RYR2: variants seen among roughly 807,000 people sequenced by gnomAD.
RYR2 encodes the protein ryanodine receptor 2, also known as cardiac muscle ryanodine receptor-calcium release channel.
Under a neutral mutation model 601.1 loss-of-function variants are expected in RYR2, and 227 were observed. The ratio of observed to expected loss-of-function variants is 0.38; its 90% CI spans 0.34 to 0.42. The LOEUF is 0.42. Ranked by LOEUF, RYR2 falls within the 10% of genes least tolerant of loss-of-function variation. The pLI, the probability that RYR2 is intolerant of heterozygous loss-of-function variation, is 1.00. For missense variants in RYR2, 4,646 were observed against 6,156.5 expected, an observed-to-expected ratio of 0.75 and a Z score of 8.21; for synonymous variants, 2,223 against 2,175.1, an observed-to-expected ratio of 1.02 and a Z score of -0.61.
chr1:237,525,506 A>C (rs1251863992), intron 24 of RYR2, among the ~76,000 whole-genome samples: 1 of 151,950 alleles, frequency 6.6e-6, no homozygotes, highest in Non-Finnish European at 1.5e-5. Context: ...GTTGGAGTGC[A>C]GTGGCATGAT....
At chr1:237,250,908 C>T (rs1478026932) in intron 1 of RYR2, among the ~76,000 whole-genome samples, 2 of 152,210 alleles carry the variant, frequency 1.3e-5, no homozygotes, top group Admixed American at 1.3e-4. Context: ...GATTTTCTCT[C>T]TCACAAATTC....
intron 11 of RYR2, among the ~76,000 whole-genome samples, chr1:237,418,168 G>A (rs182368262): frequency 1.3e-5 from 2 of 151,966 alleles, no homozygotes; most frequent in African/African-American, 2.4e-5. Context: ...TCAGCCTCCC[G>A]AGTAGCTGGG....
chr1:237,210,849 G>A (rs1682493261), intron 1 of RYR2, among the ~76,000 whole-genome samples: 1 of 152,174 alleles, frequency 6.6e-6, no homozygotes, highest in African/African-American at 2.4e-5. Flanking sequence ...TGATTCCTCA[G>A]GGATTGATAC....
At chr1:237,748,060 A>G (rs1479981602) in intron 80 of RYR2, among the ~76,000 whole-genome samples, 2 of 152,186 alleles carry the variant, frequency 1.3e-5, no homozygotes, top group South Asian at 4.1e-4. Context: ...GTCTTAGCTC[A>G]GATTTCCTGG....
At chr1:237,696,799 G>A (rs1369057076) in intron 63 of RYR2, among the ~76,000 whole-genome samples, 1 of 151,988 alleles carries the variant, frequency 6.6e-6, no homozygotes, top group Non-Finnish European at 1.5e-5. Context: ...CAATCCATAA[G>A]TAAATCCTTC....
intron 8 of RYR2, among the ~76,000 whole-genome samples, chr1:237,384,300 A>G (rs4659786): frequency 0.56 from 85,195 of 152,088 alleles, 24,119 homozygotes; most frequent in Admixed American, 0.69. Flanking sequence ...CACCTATTTT[A>G]TTACTGCTGT....
At chr1:237,638,104 GAA>G (rs34788513) in intron 44 of RYR2, among the ~76,000 whole-genome samples, 1 of 147,112 alleles carries the variant, frequency 6.8e-6, no homozygotes, top group African/African-American at 2.5e-5. Flanking sequence ...AGAGAGAGCT[GAA>G]AAAAAAAAAG....
At chr1:237,540,911 GTATA>G (rs61555601) in intron 25 of RYR2, among the ~76,000 whole-genome samples, 49,765 of 148,668 alleles carry the variant, frequency 0.33, 8,749 homozygotes, top group East Asian at 0.48. Context: ...ATGTGTGTGT[GTATA>G]TATATATATA....
intron 2 of RYR2, among the ~76,000 whole-genome samples, chr1:237,275,383 G>A (rs547965198): frequency 6.6e-6 from 1 of 151,910 alleles, no homozygotes; most frequent in Admixed American, 6.6e-5. Context: ...AAAAATAAAA[G>A]GATAGACAAG....
At chr1:237,788,780 C>G (rs1295076037) in intron 92 of RYR2, among the ~76,000 whole-genome samples, 1 of 152,048 alleles carries the variant, frequency 6.6e-6, no homozygotes, top group Non-Finnish European at 1.5e-5. Context: ...TAGTAAAGCA[C>G]ACATTCATAT....
At chr1:237,167,656 T>C (rs1385498969) in intron 1 of RYR2, among the ~76,000 whole-genome samples, 1 of 151,972 alleles carries the variant, frequency 6.6e-6, no homozygotes, top group East Asian at 1.9e-4. Flanking sequence ...TATGTGAAAT[T>C]GAGTAATGTG....
chr1:237,685,088 T>C (rs1164202320), intron 62 of RYR2, among the ~76,000 whole-genome samples: 2 of 152,196 alleles, frequency 1.3e-5, no homozygotes, highest in African/African-American at 4.8e-5. Context: ...AGGAGTGTTT[T>C]AGTACAAGAC....
At chr1:237,546,803 C>A (rs941899990) in intron 25 of RYR2, among the ~76,000 whole-genome samples, 3 of 151,626 alleles carry the variant, frequency 2.0e-5, no homozygotes, top group Non-Finnish European at 4.4e-5. Context: ...ATTCATTCAA[C>A]AAATTTTTAC....
chr1:237,763,847 A>C (rs1343664473), intron 84 of RYR2, among the ~76,000 whole-genome samples: 2 of 152,178 alleles, frequency 1.3e-5, no homozygotes, highest in African/African-American at 4.8e-5. Context: ...ATCTGTTTTG[A>C]GATCACTCTT....
intron 1 of RYR2, among the ~76,000 whole-genome samples, chr1:237,084,165 G>A (rs911124650): frequency 2.3e-4 from 35 of 152,222 alleles, no homozygotes; most frequent in East Asian, 9.7e-4. Flanking sequence ...GGAGCTCACC[G>A]TGGAAAGGAC....
chr1:237,581,139 A>G (rs12125538), intron 29 of RYR2, among the ~76,000 whole-genome samples: 45,451 of 152,102 alleles, frequency 0.3, 7,271 homozygotes, highest in East Asian at 0.61. Flanking sequence ...AAAATAAGTG[A>G]GAGAGTCACT....
intron 10 of RYR2, among the ~76,000 whole-genome samples, chr1:237,403,334 T>A (rs1202495304): frequency 6.6e-6 from 1 of 152,176 alleles, no homozygotes; most frequent in Non-Finnish European, 1.5e-5. Flanking sequence ...TGATTTCAAC[T>A]CAGAAACAAT....
intron 61 of RYR2, 129 bp from the exon 62 acceptor site, chr1:237,680,327 C>A: frequency 1.6e-6 from 1 of 619,892 alleles, no homozygotes. Context: ...CATACTATGA[C>A]GTGCCTGGCA....
At chr1:237,354,459 A>G (rs866973253) in intron 3 of RYR2, among the ~76,000 whole-genome samples, 1 of 152,118 alleles carries the variant, frequency 6.6e-6, no homozygotes, top group African/African-American at 2.4e-5. Context: ...TGCACTAAAT[A>G]TGCACTAAAA....
Sources: allele counts gnomAD v4.1 joint callset (sites outside exome capture counted in the v4.1 genomes callset), GRCh38; gene constraint gnomAD v4.1.1; transcripts MANE v1.5; gene names NCBI Gene and HGNC (gene_info 2026-07-23, HGNC 2026-07-21).